Variants in MTIF2 observed in about 807,000 individuals in gnomAD.
The protein encoded by MTIF2 is translation initiation factor IF-2, mitochondrial.
A neutral mutation model predicts 83.5 loss-of-function variants in MTIF2; 71 were observed. The observed-to-expected ratio is 0.85, with a 90% confidence interval of 0.70 to 1.04. The LOEUF is 1.04. Ranked by LOEUF, MTIF2 falls within the 50% of genes least tolerant of loss-of-function variation. MTIF2 has a pLI of 0.00. For missense variants in MTIF2, 957 were observed against 846.5 expected (o/e 1.13, Z -1.62); for synonymous variants, 319 against 287.1 (o/e 1.11, Z -1.12).
chr2:55,262,465 A>AG, intron 4 of MTIF2, 38 bp from the exon 5 acceptor site: 1 of 1,345,366 alleles, frequency 7.4e-7, no homozygotes. Flanking sequence ...AAAAAGGAAG[A>AG]AAAAACTTAA....
Position 55,262,335 on chromosome 2 carries a change from C to T in MTIF2, c.312G>A (p.Arg104=), listed in dbSNP as rs1473558167. The T allele has an allele frequency of 6.2e-7, 1 of 1,612,398 alleles. No individual in the cohort carries two copies. Among genetic ancestry groups the T allele is most frequent in the South Asian group, 1.1e-5 (1 of 90,898 alleles). Residue 104 remains arginine (R), a synonymous_variant, in exon 5 of 16, where the codon AGG becomes AGA. Coordinates refer to ENST00000263629, the MANE Select transcript of MTIF2 (RefSeq NM_002453.3). ...WIGMTIEELA[R]AMEKNTDYVY... ...ACTCACCTGTGTTTTTTTCCATTGC[C>T]CTGGCCAGTTCCTCAATAGTCATTC...
intron 4 of MTIF2, among the ~76,000 whole-genome samples, chr2:55,263,076 C>T (rs1043959856): frequency 1.2e-4 from 19 of 152,074 alleles, no homozygotes; most frequent in South Asian, 6.2e-4. Context: ...TTGGCCAGGA[C>T]GGTCTCGAAC....
At chr2:55,268,977 G>A (rs1678637279) in intron 1 of MTIF2, 192 bp downstream of exon 1, 1 of 152,178 alleles carries the variant, frequency 6.6e-6, no homozygotes, top group Non-Finnish European at 1.5e-5. Context: ...GCTTCCGAGA[G>A]AACAGTGCAC....
intron 8 of MTIF2, among the ~76,000 whole-genome samples, chr2:55,251,524 T>G (rs1677091534): frequency 6.6e-6 from 1 of 152,214 alleles, no homozygotes; most frequent in Non-Finnish European, 1.5e-5. Context: ...TTTAAAAATC[T>G]TGCCAGTAAA....
chr2:55,251,310 T>C (rs1197738959), intron 8 of MTIF2, among the ~76,000 whole-genome samples: 4 of 152,006 alleles, frequency 2.6e-5, no homozygotes, highest in African/African-American at 4.8e-5. Flanking sequence ...ATTAAGAACA[T>C]AGTACATCAT....
At chr2:55,257,365 C>T (rs1677629156) in intron 5 of MTIF2, among the ~76,000 whole-genome samples, 1 of 152,084 alleles carries the variant, frequency 6.6e-6, no homozygotes, top group Non-Finnish European at 1.5e-5. Flanking sequence ...CCTGTAATCC[C>T]AGCTGCTCCA....
intron 3 of MTIF2, among the ~76,000 whole-genome samples, chr2:55,266,766 T>C (rs1678463929): frequency 9.1e-6 from 1 of 109,428 alleles, no homozygotes; most frequent in Admixed American, 8.4e-5. Flanking sequence ...TTTCATTCTT[T>C]TTTTTTTTTT....
chr2:55,238,389 G>GTTTTTTT (rs34278300), intron 14 of MTIF2, among the ~76,000 whole-genome samples: 1 of 117,444 alleles, frequency 8.5e-6, no homozygotes, highest in Non-Finnish European at 1.7e-5. Flanking sequence ...TCTGAGCCTG[G>GTTTTTTT]TTTTTTTTTT....
chr2:55,245,806 GT>G (rs1418107932), intron 10 of MTIF2, among the ~76,000 whole-genome samples: 1 of 152,134 alleles, frequency 6.6e-6, no homozygotes, highest in Non-Finnish European at 1.5e-5. Context: ...AGGGAGCAAA[GT>G]GTTCTGACAG....
At chr2:55,263,579 C>T (rs1678199288) in intron 4 of MTIF2, 61 bp downstream of exon 4, 1 of 1,362,958 alleles carries the variant, frequency 7.3e-7, no homozygotes, top group Non-Finnish European at 1.0e-6. Flanking sequence ...CACGGCACTC[C>T]AGCCGGGGTG....
At chr2:55,252,164 A>G (rs1047501402) in intron 8 of MTIF2, among the ~76,000 whole-genome samples, 4 of 152,156 alleles carry the variant, frequency 2.6e-5, no homozygotes, top group Admixed American at 6.5e-5. Context: ...TGATGGATAG[A>G]TCGAATTTCA....
At chr2:55,263,587 G>C (rs900599038) in intron 4 of MTIF2, 53 bp downstream of exon 4, 26 of 1,419,246 alleles carry the variant, frequency 1.8e-5, no homozygotes, top group Admixed American at 8.5e-5. Context: ...TCCAGCCGGG[G>C]TGACAGGGTG....
chr2:55,243,697 T>C (rs766712627), intron 11 of MTIF2, 29 bp from the exon 12 acceptor site: 1 of 1,601,410 alleles, frequency 6.2e-7, no homozygotes, highest in Non-Finnish European at 8.5e-7. Context: ...TATTATTTAA[T>C]GAAATAGACA....
chr2:55,258,007 A>C (rs1395049277), intron 5 of MTIF2, among the ~76,000 whole-genome samples: 1 of 152,130 alleles, frequency 6.6e-6, no homozygotes, highest in Admixed American at 6.5e-5. Flanking sequence ...GCCCAGGCTG[A>C]TCTCAAACTC....
chr2:55,263,874 A>G lies in MTIF2; in HGVS notation c.-7-9T>C, dbSNP rs1430822820. On this transcript the variant is annotated splice_polypyrimidine_tract_variant and intron_variant, in intron 3 of 15. Coordinates refer to ENST00000263629, the MANE Select transcript of MTIF2 (RefSeq NM_002453.3). ...TCTGGTTCATGTTTCTCCTGGGGAA[A>G]AAAAAAAGGTTTTAAAATAATATTC... 6.3e-7 allele frequency: 1 copy of G among 1,588,402 alleles called. No homozygotes were observed. Among genetic ancestry groups the G allele is most frequent in the African/African-American group, 1.4e-5 (1 of 73,908 alleles).
chr2:55,240,307 G>A (rs931815564), intron 13 of MTIF2, 132 bp from the exon 14 acceptor site: 5 of 834,536 alleles, frequency 6.0e-6, no homozygotes, highest in Non-Finnish European at 9.0e-6. Flanking sequence ...GAGGCCAGGT[G>A]CAGTGGCTCA....
At chr2:55,249,609 A>T (rs927436079) in intron 8 of MTIF2, 75 bp from the exon 9 acceptor site, 2 of 1,543,860 alleles carry the variant, frequency 1.3e-6, no homozygotes, top group African/African-American at 2.8e-5. Context: ...AAAGACATCA[A>T]CTTTCTGTTC....
At chr2:55,250,845 G>A (rs1222674849) in intron 8 of MTIF2, among the ~76,000 whole-genome samples, 2 of 152,108 alleles carry the variant, frequency 1.3e-5, no homozygotes, top group Non-Finnish European at 2.9e-5. Context: ...GCCGGGCACG[G>A]TGGCTCATAC....
chr2:55,253,158 A>C (rs1239248701), intron 7 of MTIF2, among the ~76,000 whole-genome samples: 1 of 152,200 alleles, frequency 6.6e-6, no homozygotes, highest in Non-Finnish European at 1.5e-5. Flanking sequence ...TTGTAAGTGC[A>C]ACTATTAATA....
Sources: gnomAD v4.1 joint callset for allele counts (sites outside exome capture counted in the v4.1 genomes callset) on GRCh38, gnomAD v4.1.1 for gene constraint, MANE v1.5 for transcripts, NCBI Gene and HGNC (gene_info 2026-07-23, HGNC 2026-07-21) for gene names.